The following UST variants were observed in gnomAD, a reference collection of about 807,000 sequenced individuals.
The protein encoded by UST is chondroitin sulfate 2-O-sulfotransferase.
UST carries 21 observed loss-of-function variants against 45.6 expected under a neutral mutation model. That is an observed-to-expected ratio of 0.46 (90% confidence interval 0.33 to 0.66). UST has a LOEUF of 0.66. UST is among the 30% of genes least tolerant of loss of function. The pLI is 0.02. For missense variants in UST, 463 were observed against 512.4 expected (o/e 0.90, Z 0.93); for synonymous variants, 215 against 200.6 (o/e 1.07, Z -0.61).
intron 1 of UST, among the ~76,000 whole-genome samples, chr6:148,785,359 T>C (rs1358894941): frequency 6.6e-6 from 1 of 152,160 alleles, no homozygotes; most frequent in African/African-American, 2.4e-5. Context: ...GCTAGATGAT[T>C]TGGGGACAAC....
At chr6:149,044,679 T>C (rs1375698126) in intron 7 of UST, among the ~76,000 whole-genome samples, 1 of 152,184 alleles carries the variant, frequency 6.6e-6, no homozygotes, top group East Asian at 1.9e-4. Context: ...TGCATGCCTG[T>C]GGCTCCAGCT....
chr6:148,961,302 A>T (rs894211123), intron 4 of UST, among the ~76,000 whole-genome samples: 21 of 152,202 alleles, frequency 1.4e-4, no homozygotes, highest in Non-Finnish European at 7.4e-5. Context: ...TGGTGACTGA[A>T]GGACAAAAGG....
chr6:149,005,363 G>A, intron 5 of UST: 2 of 985,470 alleles, frequency 2.0e-6, no homozygotes, highest in Non-Finnish European at 2.4e-6. Context: ...GAAGACTCCA[G>A]AAGCTGGAGA....
chr6:149,057,275 A>C (rs761323954), intron 7 of UST, among the ~76,000 whole-genome samples: 1 of 152,174 alleles, frequency 6.6e-6, no homozygotes, highest in Non-Finnish European at 1.5e-5. Flanking sequence ...TTTACGAGCA[A>C]CCATACTCCC....
intron 4 of UST, among the ~76,000 whole-genome samples, chr6:148,960,649 A>G (rs1207847280): frequency 6.6e-6 from 1 of 152,240 alleles, no homozygotes; most frequent in African/African-American, 2.4e-5. Flanking sequence ...ATGACTTCAC[A>G]ACAATGTGAA....
At chr6:149,003,679 C>A (rs1309829333) in intron 5 of UST, among the ~76,000 whole-genome samples, 3 of 152,228 alleles carry the variant, frequency 2.0e-5, no homozygotes, top group Non-Finnish European at 4.4e-5. Flanking sequence ...GCACTAAAAT[C>A]TGTAGACTTT....
chr6:148,970,124 T>C (rs956415874), intron 5 of UST, among the ~76,000 whole-genome samples: 2 of 151,904 alleles, frequency 1.3e-5, no homozygotes, highest in African/African-American at 4.8e-5. Flanking sequence ...GAGTCACAGG[T>C]GATTTTAGGA....
intron 7 of UST, among the ~76,000 whole-genome samples, chr6:149,055,133 G>T (rs1473306915): frequency 6.6e-6 from 1 of 152,156 alleles, no homozygotes; most frequent in African/African-American, 2.4e-5. Context: ...CCATTTGAGA[G>T]TAAAGGTTAC....
At chr6:149,032,837 A>G (rs570608866) in intron 7 of UST, among the ~76,000 whole-genome samples, 1 of 152,294 alleles carries the variant, frequency 6.6e-6, no homozygotes, top group African/African-American at 2.4e-5. Context: ...AAGCTGGCTA[A>G]TAATATCTGG....
intron 2 of UST, among the ~76,000 whole-genome samples, chr6:148,928,089 G>C (rs1779851365): frequency 6.6e-6 from 1 of 152,008 alleles, no homozygotes; most frequent in Non-Finnish European, 1.5e-5. Flanking sequence ...GCCTTACCCA[G>C]ACTCTGACCC....
At chr6:148,971,926 A>G (rs779000660) in intron 5 of UST, among the ~76,000 whole-genome samples, 1 of 152,248 alleles carries the variant, frequency 6.6e-6, no homozygotes. Flanking sequence ...GATAGATCAG[A>G]GGCTACTGCA....
At chr6:148,909,608 G>A (rs573581093) in intron 2 of UST, among the ~76,000 whole-genome samples, 5 of 152,226 alleles carry the variant, frequency 3.3e-5, no homozygotes, top group South Asian at 2.1e-4. Context: ...GGGATGCAGC[G>A]GCTCTCAGGA....
chr6:148,836,393 A>C (rs1298063726), intron 1 of UST, among the ~76,000 whole-genome samples: 1 of 152,152 alleles, frequency 6.6e-6, no homozygotes, highest in Non-Finnish European at 1.5e-5. Flanking sequence ...AACAAACACA[A>C]ATTTCATAGG....
At chr6:148,996,466 G>T (rs572501768) in intron 5 of UST, among the ~76,000 whole-genome samples, 189 of 152,302 alleles carry the variant, frequency 1.2e-3, no homozygotes, top group African/African-American at 4.5e-3. Context: ...TGATCTGCCT[G>T]CCCCGGCTTC....
rs984876206 is a variant in UST at position 148,748,119 on chromosome 6, G to A, written c.247+442G>A. On this transcript the variant is annotated intron_variant, in intron 1 of 7. Transcript: ENST00000367463. This position sits in a 1 kb window ranked among gnomAD's most constrained non-coding sequence, Gnocchi z 5.3. ...AGTCCCGTCCCGCGCCCCGGGGAGT[G>A]TGGGTGGGTTTAGCCCTTTGCCACC... Among the ~76,000 whole-genome samples, 6 of 152,222 alleles carry A rather than the reference G, an allele frequency of 3.9e-5. No homozygotes were observed. Among genetic ancestry groups the A allele is most frequent in the Non-Finnish European group, 8.8e-5 (6 of 68,038 alleles).
At chr6:148,796,797 C>CTTTTTTTTTT (rs1195878764) in intron 1 of UST, among the ~76,000 whole-genome samples, 1 of 72,054 alleles carries the variant, frequency 1.4e-5, no homozygotes, top group East Asian at 4.8e-4. Flanking sequence ...TCTGATAATT[C>CTTTTTTTTTT]TTTTTTTTTT....
intron 1 of UST, among the ~76,000 whole-genome samples, chr6:148,857,568 G>A (rs576977569): frequency 6.6e-6 from 1 of 152,180 alleles, no homozygotes; most frequent in East Asian, 1.9e-4. Context: ...CTCCAATTCT[G>A]CATATGAGGA....
intron 7 of UST, among the ~76,000 whole-genome samples, chr6:149,048,546 AAAGAGAGAGAGAGACACAGTAAAG>A (rs1776426673): frequency 6.6e-6 from 1 of 151,922 alleles, no homozygotes; most frequent in Admixed American, 6.5e-5. Context: ...AAAAAAAAAA[AAAGAGAGAGAGAGACACAGTAAAG>A]AATAAATATG....
chr6:148,849,592 T>C (rs553522097), intron 1 of UST, among the ~76,000 whole-genome samples: 1 of 152,322 alleles, frequency 6.6e-6, no homozygotes, highest in Non-Finnish European at 1.5e-5. Flanking sequence ...TCTGCAGGAC[T>C]GGGGAGGCCT....
Sources: allele counts gnomAD v4.1 joint callset (sites outside exome capture counted in the v4.1 genomes callset), GRCh38; gene constraint gnomAD v4.1.1; non-coding constraint Gnocchi (gnomAD v3.1); transcripts MANE v1.5; gene names NCBI Gene and HGNC (gene_info 2026-07-23, HGNC 2026-07-21).